The following RPS6KA5 variants were observed in gnomAD, a reference collection of about 807,000 sequenced individuals.
RPS6KA5 encodes the protein ribosomal protein S6 kinase A5.
RPS6KA5 carries 27 observed loss-of-function variants against 85.5 expected under a neutral mutation model. The observed-to-expected ratio is 0.32, with a 90% CI of 0.23 to 0.44. The LOEUF (loss-of-function observed/expected upper bound fraction) is 0.44. RPS6KA5 is among the 20% of genes least tolerant of loss of function. RPS6KA5 has a pLI of 1.00. For synonymous variants in RPS6KA5, 334 were observed against 348.2 expected, an observed-to-expected ratio of 0.96 and a Z score of 0.46; for missense variants, 811 against 980.9, an observed-to-expected ratio of 0.83 and a Z score of 2.31.
intron 12 of RPS6KA5, among the ~76,000 whole-genome samples, chr14:90,896,548 T>C (rs1053662559): frequency 2.0e-5 from 3 of 152,104 alleles, no homozygotes; most frequent in Non-Finnish European, 2.9e-5. Context: ...TCCTGAATTA[T>C]TCATCAGAGT....
chr14:91,010,036 A>AT (rs56229173), intron 1 of RPS6KA5, among the ~76,000 whole-genome samples: 1,746 of 143,408 alleles, frequency 0.012, 12 homozygotes, highest in Middle Eastern at 0.029. Flanking sequence ...GTCAACAGCG[A>AT]TTTTTTTTTT....
At chr14:91,030,252 C>T (rs1028550767) in intron 1 of RPS6KA5, among the ~76,000 whole-genome samples, 2 of 152,078 alleles carry the variant, frequency 1.3e-5, no homozygotes, top group Admixed American at 1.3e-4. Flanking sequence ...TTAATAATTT[C>T]CTGGGAGAAG....
At chr14:90,877,384 T>C (rs1318774353) in intron 14 of RPS6KA5, among the ~76,000 whole-genome samples, 2 of 152,136 alleles carry the variant, frequency 1.3e-5, no homozygotes, top group Non-Finnish European at 2.9e-5. Flanking sequence ...TAGGTCTGAG[T>C]GAGCCAGTCC....
chr14:91,000,003 T>TCC (rs1431742234), intron 2 of RPS6KA5, among the ~76,000 whole-genome samples: 1 of 151,656 alleles, frequency 6.6e-6, no homozygotes, highest in Non-Finnish European at 1.5e-5. Context: ...TCACTATGTT[T>TCC]CCCAAGCTGG....
Position 90,894,672 on chromosome 14 carries a change from A to G in RPS6KA5, c.1474-89T>C, listed in dbSNP as rs143072679. 7,061 of 1,365,660 alleles carry G rather than the reference A, an allele frequency of 5.2e-3. 33 individuals carry two copies. The highest frequency in any genetic ancestry group is 6.1e-3 in the Non-Finnish European group (6,195 of 1,016,248). The allele number at this position is 1,365,660 out of a possible 1,614,324, so 84.6% of individuals were successfully genotyped here. A position where few individuals can be genotyped will look rare whatever the true frequency, so the allele number is the denominator to read the frequency against. On this transcript the variant is annotated intron_variant, in intron 12 of 16. Transcript: ENST00000614987. ...AACATTTATTGACTATCTACCACCA[A>G]TACGTTTAAATAATCCCCTGTTAAA...
At chr14:90,885,992 T>C (rs2034200698) in intron 14 of RPS6KA5, among the ~76,000 whole-genome samples, 1 of 151,956 alleles carries the variant, frequency 6.6e-6, no homozygotes, top group Non-Finnish European at 1.5e-5. Context: ...TTTAGTTGAT[T>C]ATCTAGAAAT....
intron 1 of RPS6KA5, among the ~76,000 whole-genome samples, chr14:91,039,955 G>A (rs796353521): frequency 1.1e-4 from 17 of 152,346 alleles, no homozygotes; most frequent in African/African-American, 4.1e-4. Context: ...TAATGGCAAT[G>A]ATGAGCAAGA....
intron 3 of RPS6KA5, among the ~76,000 whole-genome samples, chr14:90,956,861 A>C (rs1452837764): frequency 6.6e-6 from 1 of 151,640 alleles, no homozygotes; most frequent in Non-Finnish European, 1.5e-5. Context: ...AAAACCTAAT[A>C]TTACTATATA....
chr14:91,035,866 A>T (rs79966090), intron 1 of RPS6KA5, among the ~76,000 whole-genome samples: 1 of 147,640 alleles, frequency 6.8e-6, no homozygotes, highest in African/African-American at 2.5e-5. Flanking sequence ...AAAAAAAAAA[A>T]AAAAAAAAAA....
intron 3 of RPS6KA5, among the ~76,000 whole-genome samples, chr14:90,952,976 A>T (rs1725421644): frequency 6.6e-6 from 1 of 152,196 alleles, no homozygotes; most frequent in Non-Finnish European, 1.5e-5. Context: ...TTTTGGAATT[A>T]TGTTTCTCTG....
At chr14:91,046,076 G>A (rs2042860913) in intron 1 of RPS6KA5, among the ~76,000 whole-genome samples, 1 of 152,050 alleles carries the variant, frequency 6.6e-6, no homozygotes, top group African/African-American at 2.4e-5. Context: ...ATCCCTTTTG[G>A]GTTCTCTCAC....
intron 1 of RPS6KA5, among the ~76,000 whole-genome samples, chr14:91,058,988 G>A (rs1478958368): frequency 6.6e-6 from 1 of 152,206 alleles, no homozygotes; most frequent in East Asian, 1.9e-4. Flanking sequence ...AGATGTACTA[G>A]TGGACACCTG....
Position 90,920,362 on chromosome 14 carries a change from TAAGA to T in RPS6KA5, c.703-57_703-54del, listed in dbSNP as rs1204972339. On this transcript the variant is annotated intron_variant, in intron 6 of 16. Coordinates refer to ENST00000614987, the MANE Select transcript of RPS6KA5 (RefSeq NM_004755.4). Reference sequence around the variant, plus strand: ...TAGAATTATCAACTAAAATATTTTATAAGAAAGAAAAAATGAATAAAAGCTATCT... The same window carrying T: ...TAGAATTATCAACTAAAATATTTTATAAGAAAAAATGAATAAAAGCTATCT... The T allele has an allele frequency of 4.0e-6, 5 of 1,235,478 alleles. 1 individual carries two copies. Among genetic ancestry groups the T allele is most frequent in the South Asian group, 2.7e-5 (2 of 74,096 alleles). 76.5% of individuals were successfully genotyped at this position (1,235,478 alleles called of 1,614,324 possible). A position where few individuals can be genotyped will look rare whatever the true frequency, so the allele number is the denominator to read the frequency against.
At chr14:90,948,964 T>C (rs1015494455) in intron 3 of RPS6KA5, among the ~76,000 whole-genome samples, 1 of 152,230 alleles carries the variant, frequency 6.6e-6, no homozygotes, top group Non-Finnish European at 1.5e-5. Flanking sequence ...AAAAAGCAGA[T>C]ACAACAGAAT....
chr14:90,919,401 T>C (rs2036284268), intron 7 of RPS6KA5, among the ~76,000 whole-genome samples: 1 of 152,180 alleles, frequency 6.6e-6, no homozygotes, highest in Non-Finnish European at 1.5e-5. Context: ...GGAAAGTAAA[T>C]CTGGTCCCTG....
At chr14:90,885,635 G>A (rs570640876) in intron 14 of RPS6KA5, among the ~76,000 whole-genome samples, 179 of 139,270 alleles carry the variant, frequency 1.3e-3, no homozygotes, top group African/African-American at 4.7e-3. Context: ...CCAGCTACTC[G>A]GGAGACTGAG....
intron 14 of RPS6KA5, among the ~76,000 whole-genome samples, chr14:90,876,012 CTGCACGTTG>C (rs995869413): frequency 6.6e-6 from 1 of 151,564 alleles, no homozygotes; most frequent in Non-Finnish European, 1.5e-5. Flanking sequence ...TGTAAAAAAC[CTGCACGTTG>C]TGCACATGTA....
intron 13 of RPS6KA5, among the ~76,000 whole-genome samples, chr14:90,893,313 G>A (rs8008667): frequency 0.21 from 31,195 of 152,148 alleles, 3,382 homozygotes; most frequent in East Asian, 0.33. Context: ...TATCATAGTT[G>A]CAAGTTAATA....
At chr14:90,920,349 C>T in intron 6 of RPS6KA5, 40 bp from the exon 7 acceptor site, 1 of 1,311,198 alleles carries the variant, frequency 7.6e-7, no homozygotes, top group Middle Eastern at 2.0e-4. Flanking sequence ...GAATTATCAA[C>T]TAAAATATTT....
Sources: gnomAD v4.1 joint callset for allele counts (sites outside exome capture counted in the v4.1 genomes callset) on GRCh38, gnomAD v4.1.1 for gene constraint, MANE v1.5 for transcripts, NCBI Gene and HGNC (gene_info 2026-07-23, HGNC 2026-07-21) for gene names.